The following SCHIP1 variants were observed in gnomAD, a reference collection of about 807,000 sequenced individuals.
The protein encoded by SCHIP1 is schwannomin-interacting protein 1.
SCHIP1 carries 8 observed loss-of-function variants against 29.7 expected under a neutral mutation model. The observed-to-expected ratio is 0.27, with a 90% CI of 0.16 to 0.49. SCHIP1 has a LOEUF of 0.49. SCHIP1 is among the 20% of genes least tolerant of loss of function. The probability of loss-of-function intolerance (pLI) is 0.99; values close to 1 mark genes in which losing one functional copy is unlikely to be tolerated. For synonymous variants in SCHIP1, 76 were observed against 94.9 expected, an observed-to-expected ratio of 0.80 and a Z score of 1.16; for missense variants, 193 against 294.6, an observed-to-expected ratio of 0.66 and a Z score of 2.52.
the SCHIP1 span, among the ~76,000 whole-genome samples, chr3:159,418,784 C>T: frequency 7.0e-6 from 1 of 142,082 alleles, no homozygotes; most frequent in Non-Finnish European, 1.5e-5. Flanking sequence ...TGGTGATAGC[C>T]TGAAGCCTCA....
chr3:159,596,979 C>CT, the SCHIP1 span, among the ~76,000 whole-genome samples: 15,359 of 148,262 alleles, frequency 0.1, 1,748 homozygotes, highest in African/African-American at 0.29. Flanking sequence ...ACAAAAGCAT[C>CT]TTTAAAAAAA....
the SCHIP1 span, among the ~76,000 whole-genome samples, chr3:159,344,008 A>G: frequency 1.3e-5 from 2 of 152,222 alleles, no homozygotes; most frequent in African/African-American, 4.8e-5. Flanking sequence ...AAGATAGGTT[A>G]CTTAGTAACA....
the SCHIP1 span, among the ~76,000 whole-genome samples, chr3:159,279,436 T>A: frequency 6.6e-6 from 1 of 152,182 alleles, no homozygotes; most frequent in Non-Finnish European, 1.5e-5. Flanking sequence ...AGTATGAAAA[T>A]GGACTAATAC....
chr3:159,574,957 G>A, the SCHIP1 span, among the ~76,000 whole-genome samples: 1 of 152,194 alleles, frequency 6.6e-6, no homozygotes, highest in African/African-American at 2.4e-5. Flanking sequence ...TAAAACCTTG[G>A]GAAAAGTGCA....
At chr3:159,704,167 G>A in the SCHIP1 span, among the ~76,000 whole-genome samples, 144 of 152,124 alleles carry the variant, frequency 9.5e-4, 4 homozygotes, top group South Asian at 9.8e-3. Context: ...AGGCACAGTG[G>A]CTCACACCTG....
At chr3:159,566,794 C>A in the SCHIP1 span, among the ~76,000 whole-genome samples, 1 of 152,088 alleles carries the variant, frequency 6.6e-6, no homozygotes, top group Non-Finnish European at 1.5e-5. Context: ...CAGGAGCAGA[C>A]CAGAGAGTGC....
the SCHIP1 span, among the ~76,000 whole-genome samples, chr3:159,656,190 T>C: frequency 1.1e-4 from 16 of 152,302 alleles, no homozygotes; most frequent in East Asian, 9.6e-4. Context: ...AATGAGTACC[T>C]ACGATCTGTC....
At chr3:159,807,749 T>C in the SCHIP1 span, among the ~76,000 whole-genome samples, 1 of 152,236 alleles carries the variant, frequency 6.6e-6, no homozygotes, top group Admixed American at 6.5e-5. Flanking sequence ...TGTTCTTTGC[T>C]GGTGCATGAG....
chr3:159,416,592 C>T, the SCHIP1 span, among the ~76,000 whole-genome samples: 105 of 152,292 alleles, frequency 6.9e-4, no homozygotes, highest in Non-Finnish European at 1.1e-3. Flanking sequence ...AATATTTTTG[C>T]TCATTTAATT....
the SCHIP1 span, among the ~76,000 whole-genome samples, chr3:159,830,165 T>C: frequency 5.9e-5 from 9 of 152,190 alleles, no homozygotes; most frequent in African/African-American, 2.2e-4. Context: ...AGATGTAGCT[T>C]TACATTTAGT....
the SCHIP1 span, among the ~76,000 whole-genome samples, chr3:159,294,370 G>A: frequency 6.6e-6 from 1 of 152,016 alleles, no homozygotes; most frequent in Non-Finnish European, 1.5e-5. Context: ...TTCTCAATAA[G>A]CTCTCACAAG....
At chr3:159,480,115 A>C in the SCHIP1 span, among the ~76,000 whole-genome samples, 1 of 152,186 alleles carries the variant, frequency 6.6e-6, no homozygotes, top group Non-Finnish European at 1.5e-5. Flanking sequence ...TTCCATCCTC[A>C]ATATCCTTGG....
chr3:159,338,051 C>T, the SCHIP1 span, among the ~76,000 whole-genome samples: 5 of 152,140 alleles, frequency 3.3e-5, no homozygotes, highest in Non-Finnish European at 5.9e-5. Context: ...AGAAATCTTG[C>T]ATTCAACAAA....
chr3:159,700,795 C>T, the SCHIP1 span, among the ~76,000 whole-genome samples: 1 of 145,000 alleles, frequency 6.9e-6, no homozygotes, highest in Non-Finnish European at 1.5e-5. Flanking sequence ...CCTGGGGTGA[C>T]AGAGTGAGAA....
the SCHIP1 span, among the ~76,000 whole-genome samples, chr3:159,467,363 C>T: frequency 6.6e-6 from 1 of 151,904 alleles, no homozygotes. Flanking sequence ...TTTTGGCCCA[C>T]TTACATGATT....
chr3:159,624,982 T>G, the SCHIP1 span, among the ~76,000 whole-genome samples: 1 of 152,166 alleles, frequency 6.6e-6, no homozygotes, highest in South Asian at 2.1e-4. Flanking sequence ...ATATTGAATT[T>G]TGGAATAAAA....
the SCHIP1 span, among the ~76,000 whole-genome samples, chr3:159,493,172 G>A: frequency 6.6e-6 from 1 of 152,150 alleles, no homozygotes; most frequent in South Asian, 2.1e-4. Context: ...GACCATCAAG[G>A]CTAGGAAGAA....
At chr3:159,626,211 TATCTAGATATATATATATCTAG>T in the SCHIP1 span, among the ~76,000 whole-genome samples, 1 of 114,790 alleles carries the variant, frequency 8.7e-6, no homozygotes, top group African/African-American at 5.3e-5. Context: ...TAGATAGATA[TATCTAGATATATATATATCTAG>T]ATATATCTAT....
At chr3:159,460,992 C>T in the SCHIP1 span, among the ~76,000 whole-genome samples, 1 of 152,064 alleles carries the variant, frequency 6.6e-6, no homozygotes, top group East Asian at 1.9e-4. Context: ...CCTTTCACAA[C>T]TTGACCTGTT....
Sources: gnomAD v4.1 joint callset for allele counts (sites outside exome capture counted in the v4.1 genomes callset) on GRCh38, gnomAD v4.1.1 for gene constraint, MANE v1.5 for transcripts, NCBI Gene and HGNC (gene_info 2026-07-23, HGNC 2026-07-21) for gene names.